PPP2R2B: variants seen among roughly 807,000 people sequenced by gnomAD.
The protein encoded by PPP2R2B is protein phosphatase 2 regulatory subunit Bbeta.
PPP2R2B carries 5 observed loss-of-function variants against 46.0 expected under a neutral mutation model. The observed-to-expected ratio is 0.11, with a 90% CI of 0.06 to 0.23. PPP2R2B has a LOEUF of 0.23. Ranked by LOEUF, PPP2R2B falls within the 10% of genes least tolerant of loss-of-function variation. PPP2R2B has a pLI of 1.00. For missense variants in PPP2R2B, 367 were observed against 575.0 expected (o/e 0.64, Z 3.70); for synonymous variants, 215 against 206.7 (o/e 1.04, Z -0.34).
At chr5:146,826,791 A>G (rs571584135) in intron 2 of PPP2R2B, among the ~76,000 whole-genome samples, 1 of 152,276 alleles carries the variant, frequency 6.6e-6, no homozygotes, top group South Asian at 2.1e-4. Context: ...ACATTCACAG[A>G]TGGCTCCAAC....
chr5:146,909,946 A>G (rs1284020691), intron 1 of PPP2R2B, among the ~76,000 whole-genome samples: 1 of 152,220 alleles, frequency 6.6e-6, no homozygotes. Flanking sequence ...ATTGACATCC[A>G]TTTATCTAAT....
At chr5:146,717,731 A>G (rs1248610324) in intron 2 of PPP2R2B, among the ~76,000 whole-genome samples, 5 of 151,958 alleles carry the variant, frequency 3.3e-5, no homozygotes, top group African/African-American at 9.7e-5. Context: ...TCCCTCGCAA[A>G]CTATCCCCTG....
chr5:147,073,941 CAGG>C (rs1314902721), intron 2 of PPP2R2B, among the ~76,000 whole-genome samples: 2 of 151,202 alleles, frequency 1.3e-5, no homozygotes, highest in Non-Finnish European at 2.9e-5. Context: ...GAGGCTGAGG[CAGG>C]AGAACTGCTT....
intron 1 of PPP2R2B, among the ~76,000 whole-genome samples, chr5:146,926,486 G>A (rs1214512802): frequency 6.6e-6 from 1 of 151,936 alleles, no homozygotes; most frequent in Non-Finnish European, 1.5e-5. Flanking sequence ...CCGCCTCTCG[G>A]GTTTATGCCA....
chr5:146,890,953 T>C (rs970209633), intron 1 of PPP2R2B, among the ~76,000 whole-genome samples: 2 of 151,846 alleles, frequency 1.3e-5, no homozygotes, highest in African/African-American at 4.8e-5. Context: ...ATTTCACAGA[T>C]AGGAAGAAAA....
At chr5:147,004,611 C>A (rs745402596) in intron 1 of PPP2R2B, among the ~76,000 whole-genome samples, 1 of 152,070 alleles carries the variant, frequency 6.6e-6, no homozygotes, top group Non-Finnish European at 1.5e-5. Context: ...AGTCCCATAC[C>A]CTTATTAGGG....
chr5:146,667,770 T>C (rs949924582), intron 5 of PPP2R2B, among the ~76,000 whole-genome samples: 7 of 152,184 alleles, frequency 4.6e-5, no homozygotes, highest in African/African-American at 1.7e-4. Context: ...TCTCTCTGCA[T>C]GTCTGGCCCT....
chr5:147,047,066 C>A (rs774806959), intron 1 of PPP2R2B, among the ~76,000 whole-genome samples: 5 of 152,052 alleles, frequency 3.3e-5, no homozygotes, highest in Non-Finnish European at 5.9e-5. Flanking sequence ...TCTCAAGGGA[C>A]ATCACATGTG....
In PPP2R2B at chr5:146,593,069, A is replaced by G. The variant is rs1427854734; in HGVS notation, c.961-7T>C. ...TGCGGAGGTAGTCATGAACCTGGAG[A>G]GGAAACATATCGAGAAGGTCAGTTA... On this transcript the variant is annotated splice_polypyrimidine_tract_variant and splice_region_variant and intron_variant, in intron 8 of 9. Coordinates refer to ENST00000394411, the MANE Select transcript of PPP2R2B (RefSeq NM_181675.4). 4 of 1,601,396 alleles carry G rather than the reference A, an allele frequency of 2.5e-6. No individual in the cohort carries two copies. Among genetic ancestry groups the G allele is most frequent in the Admixed American group, 3.3e-5 (2 of 60,016 alleles).
chr5:146,828,336 A>G (rs373053307), intron 2 of PPP2R2B, among the ~76,000 whole-genome samples: 2 of 152,272 alleles, frequency 1.3e-5, no homozygotes, highest in East Asian at 3.9e-4. Flanking sequence ...TTAACATCAT[A>G]AAAGAGAAAC....
chr5:146,763,108 C>T (rs1754265077), intron 2 of PPP2R2B, among the ~76,000 whole-genome samples: 1 of 152,196 alleles, frequency 6.6e-6, no homozygotes, highest in Admixed American at 6.5e-5. Context: ...AAATCAATAA[C>T]AACCTGAACT....
intron 1 of PPP2R2B, among the ~76,000 whole-genome samples, chr5:146,931,021 G>C (rs1277672151): frequency 6.6e-6 from 1 of 152,062 alleles, no homozygotes; most frequent in Non-Finnish European, 1.5e-5. Context: ...GTTCCAGCTA[G>C]TTGCCTGAAT....
chr5:146,812,789 G>GTATATA (rs1223828568), intron 2 of PPP2R2B, among the ~76,000 whole-genome samples: 97 of 6,410 alleles, frequency 0.015, 9 homozygotes, highest in Non-Finnish European at 0.02. Context: ...GTGTGTATAT[G>GTATATA]TGTGTATATA....
At chr5:147,039,908 C>A (rs1756215569) in intron 1 of PPP2R2B, among the ~76,000 whole-genome samples, 1 of 152,096 alleles carries the variant, frequency 6.6e-6, no homozygotes, top group South Asian at 2.1e-4. Context: ...CAACAAATGG[C>A]CCAACACTAA....
upstream of PPP2R2B, among the ~76,000 whole-genome samples, chr5:147,060,594 C>T (rs1166157488): frequency 7.9e-5 from 12 of 152,262 alleles, no homozygotes; most frequent in East Asian, 2.1e-3. Flanking sequence ...CACCACAGCA[C>T]TCCAGCCTTG....
rs1770287744 is a variant in PPP2R2B at position 146,588,513 on chromosome 5, G to A, written c.*1434C>T. ...ACTAAATGGGAGTTAGGAGAAATGA[G>A]TCATCAAGACAGATGTAGAGATATT... On this transcript the variant is annotated 3_prime_UTR_variant, in exon 10 of 10. Transcript: ENST00000394411. The A allele has an allele frequency of 6.6e-6, 1 of 152,166 alleles. No homozygotes were observed. Among genetic ancestry groups the A allele is most frequent in the Non-Finnish European group, 1.5e-5 (1 of 68,044 alleles). 9.4% of individuals were successfully genotyped at this position (152,166 alleles called of 1,614,324 possible).
chr5:146,795,384 GACC>G, intron 2 of PPP2R2B, among the ~76,000 whole-genome samples: 1 of 152,128 alleles, frequency 6.6e-6, no homozygotes, highest in East Asian at 1.9e-4. Context: ...TCCCATTTGT[GACC>G]ACATGGAAGA....
chr5:146,831,386 A>G (rs960316484), intron 2 of PPP2R2B, among the ~76,000 whole-genome samples: 1 of 150,816 alleles, frequency 6.6e-6, no homozygotes, highest in Non-Finnish European at 1.5e-5. Context: ...AAGCCCAGCT[A>G]CTCGGGAGGC....
At chr5:146,979,054 G>A (rs554719991) in intron 1 of PPP2R2B, among the ~76,000 whole-genome samples, 122 of 152,068 alleles carry the variant, frequency 8.0e-4, no homozygotes, top group Non-Finnish European at 1.5e-3. Context: ...GAATGGCTTC[G>A]TTTCTCTCTT....
Sources: allele counts gnomAD v4.1 joint callset (sites outside exome capture counted in the v4.1 genomes callset), GRCh38; gene constraint gnomAD v4.1.1; transcripts MANE v1.5; gene names NCBI Gene and HGNC (gene_info 2026-07-23, HGNC 2026-07-21).